The following MAPKAPK3 variants were observed in gnomAD, a reference collection of about 807,000 sequenced individuals.
The protein encoded by MAPKAPK3 is MAPK activated protein kinase 3.
Under a neutral mutation model 49.2 loss-of-function variants are expected in MAPKAPK3, and 35 were observed. That is an observed-to-expected ratio of 0.71 (90% CI 0.54 to 0.94). The LOEUF (loss-of-function observed/expected upper bound fraction) is 0.94, where lower values mean the gene tolerates loss of function less well. Among genes scored for constraint, MAPKAPK3 ranks in the 40% least tolerant of loss-of-function variants. MAPKAPK3 has a pLI of 0.00. For synonymous variants in MAPKAPK3, 178 were observed against 188.7 expected, an observed-to-expected ratio of 0.94 and a Z score of 0.46; for missense variants, 398 against 493.1, an observed-to-expected ratio of 0.81 and a Z score of 1.83.
chr3:50,641,062 G>A (rs1416547775), intron 3 of MAPKAPK3, among the ~76,000 whole-genome samples: 1 of 152,226 alleles, frequency 6.6e-6, no homozygotes, highest in African/African-American at 2.4e-5. Flanking sequence ...CACTAGCTAT[G>A]TGACCGTGGG....
upstream of MAPKAPK3, among the ~76,000 whole-genome samples, chr3:50,615,278 G>A (rs1313990121): frequency 6.6e-6 from 1 of 152,244 alleles, no homozygotes; most frequent in Non-Finnish European, 1.5e-5. Context: ...TTGGGCTCAG[G>A]GACATCAATC....
chr3:50,636,820 C>T (rs1329566160), intron 2 of MAPKAPK3, among the ~76,000 whole-genome samples: 2 of 152,040 alleles, frequency 1.3e-5, no homozygotes, highest in African/African-American at 4.8e-5. Flanking sequence ...CTCAAGGGGT[C>T]AGGAGAGACA....
chr3:50,627,971 G>A (rs1396573163), intron 2 of MAPKAPK3, among the ~76,000 whole-genome samples: 1 of 152,192 alleles, frequency 6.6e-6, no homozygotes, highest in African/African-American at 2.4e-5. Flanking sequence ...CAAAGGATGA[G>A]GGAGAGATGC....
intron 7 of MAPKAPK3, 38 bp from the exon 8 acceptor site, chr3:50,646,102 C>T (rs373093892): frequency 5.2e-5 from 83 of 1,605,494 alleles, no homozygotes; most frequent in Non-Finnish European, 6.5e-5. Context: ...CCTGGCACTG[C>T]TCCCACCCTA....
intron 2 of MAPKAPK3, among the ~76,000 whole-genome samples, chr3:50,634,309 GTGTGTGAA>G (rs1334756276): frequency 2.0e-5 from 3 of 152,102 alleles, no homozygotes; most frequent in African/African-American, 7.2e-5. Context: ...GTCTGTGTGT[GTGTGTGAA>G]TGTGTGTCTG....
chr3:50,634,194 C>T (rs2032977488), intron 2 of MAPKAPK3, among the ~76,000 whole-genome samples: 1 of 152,222 alleles, frequency 6.6e-6, no homozygotes, highest in Non-Finnish European at 1.5e-5. Flanking sequence ...AAATTCAATG[C>T]TTGTTGAGCT....
At chr3:50,647,794 G>A in intron 10 of MAPKAPK3, 100 bp from the exon 11 acceptor site, 1 of 1,166,964 alleles carries the variant, frequency 8.6e-7, no homozygotes, top group Non-Finnish European at 1.2e-6. Context: ...GGCAGCACAG[G>A]CTGTCACTGA....
chr3:50,644,261 T>G (rs2033238879), intron 5 of MAPKAPK3, 148 bp from the exon 6 acceptor site: 8 of 863,482 alleles, frequency 9.3e-6, no homozygotes, highest in Non-Finnish European at 1.4e-5. Context: ...TTGGCCCATG[T>G]TAGTGGGCAA....
chr3:50,648,007 A>AG lies in MAPKAPK3; in HGVS notation c.1112dup (p.Ser372GlnfsTer29), dbSNP rs2107604321. 1 of 1,613,868 alleles carries AG rather than the reference A, an allele frequency of 6.2e-7. No homozygotes were observed. Among genetic ancestry groups the AG allele is most frequent in the Non-Finnish European group, 8.5e-7 (1 of 1,180,020 alleles). On this transcript the variant is annotated frameshift_variant, in exon 11 of 11. Transcript: ENST00000621469. LOFTEE classifies it high-confidence loss of function. ...TCAACAAGAGGAGAAAAAAGCAGGC[A>AG]GGCAGCTCCTCTGCCTCACAGGGCT...
At chr3:50,619,120 A>G (rs754866134) in intron 2 of MAPKAPK3, among the ~76,000 whole-genome samples, 4 of 152,200 alleles carry the variant, frequency 2.6e-5, no homozygotes, top group Non-Finnish European at 4.4e-5. Context: ...GCATCTATTC[A>G]TGGGGAAAGA....
intron 2 of MAPKAPK3, among the ~76,000 whole-genome samples, chr3:50,632,864 C>T (rs772381857): frequency 4.6e-5 from 7 of 152,216 alleles, no homozygotes; most frequent in African/African-American, 7.2e-5. Context: ...GGCACTTTAA[C>T]TTGAGAAGAG....
intron 2 of MAPKAPK3, among the ~76,000 whole-genome samples, chr3:50,629,243 C>T (rs1200875562): frequency 6.6e-6 from 1 of 152,158 alleles, no homozygotes. Flanking sequence ...AGACCATTTC[C>T]TGTGACCTGC....
At chr3:50,626,321 G>A (rs2032740964) in intron 2 of MAPKAPK3, among the ~76,000 whole-genome samples, 1 of 152,176 alleles carries the variant, frequency 6.6e-6, no homozygotes, top group Non-Finnish European at 1.5e-5. Context: ...GGTATGAGGT[G>A]CAACCTACCG....
chr3:50,639,627 C>T (rs910279745), intron 2 of MAPKAPK3, among the ~76,000 whole-genome samples: 19 of 152,144 alleles, frequency 1.2e-4, no homozygotes, highest in Non-Finnish European at 2.5e-4. Context: ...ACTTTTACCC[C>T]TACAGGAGTG....
intron 2 of MAPKAPK3, among the ~76,000 whole-genome samples, chr3:50,630,364 G>C (rs546701327): frequency 1.5e-4 from 23 of 152,328 alleles, no homozygotes; most frequent in African/African-American, 5.5e-4. Context: ...GTTGGGAGGG[G>C]ATCTGTACAT....
chr3:50,619,797 G>A (rs1422252831), intron 2 of MAPKAPK3, among the ~76,000 whole-genome samples: 2 of 152,154 alleles, frequency 1.3e-5, no homozygotes, highest in African/African-American at 4.8e-5. Flanking sequence ...CCCCATAGAT[G>A]CTATGTCTGA....
chr3:50,645,857 T>A, intron 7 of MAPKAPK3, 72 bp downstream of exon 7: 1 of 1,340,376 alleles, frequency 7.5e-7, no homozygotes, highest in Non-Finnish European at 1.1e-6. Context: ...GGACCACTTC[T>A]GTCCCCCCAC....
upstream of MAPKAPK3, among the ~76,000 whole-genome samples, chr3:50,613,541 A>C (rs2032391687): frequency 6.6e-6 from 1 of 152,194 alleles, no homozygotes; most frequent in East Asian, 1.9e-4. Flanking sequence ...TGGACCACTG[A>C]CTTGCCAGTA....
At position 50,642,259 on chromosome 3, in the gene MAPKAPK3, C is replaced by G; in HGVS notation, c.431C>G (p.Ala144Gly). Residue 144 changes from alanine to glycine, a missense_variant, in exon 5 of 11, where the codon GCA becomes GGA. Ala to Gly is a moderately conservative substitution (Grantham distance 60, BLOSUM62 0). Coordinates refer to ENST00000621469, the MANE Select transcript of MAPKAPK3 (RefSeq NM_001243925.2). ...TCCTCCTCTGTTTCTGCAGAAGCTG[C>G]AGAGATAATGCGGGATATTGGCACT... is the stretch of plus-strand genomic sequence containing the variant. Reference protein sequence around the residue: ...GDQAFTEREAAEIMRDIGTAI... With the variant: ...GDQAFTEREAGEIMRDIGTAI... The G allele has an allele frequency of 6.2e-7, 1 of 1,612,280 alleles. No individual in the cohort carries two copies. Among genetic ancestry groups the G allele is most frequent in the Non-Finnish European group, 8.5e-7 (1 of 1,178,600 alleles).
Sources: gnomAD v4.1 joint callset for allele counts (sites outside exome capture counted in the v4.1 genomes callset) on GRCh38, gnomAD v4.1.1 for gene constraint, MANE v1.5 for transcripts, NCBI Gene and HGNC (gene_info 2026-07-23, HGNC 2026-07-21) for gene names.